FOXP1: variants seen among roughly 807,000 people sequenced by gnomAD.
FOXP1 encodes forkhead box protein P1.
In FOXP1, 15 loss-of-function variants were observed where a neutral mutation model predicts 98.2. The observed-to-expected ratio is 0.15, with a 90% CI of 0.10 to 0.24. The LOEUF is 0.24. FOXP1 is among the 10% of genes least tolerant of loss of function. The pLI is 1.00. For missense variants in FOXP1, 633 were observed against 848.5 expected (o/e 0.75, Z 3.15); for synonymous variants, 371 against 314.5 (o/e 1.18, Z -1.90).
intron 5 of FOXP1, among the ~76,000 whole-genome samples, chr3:71,268,183 C>T (rs551355022): frequency 5.3e-5 from 8 of 149,902 alleles, no homozygotes; most frequent in Admixed American, 1.3e-4. Flanking sequence ...CTCCGCCTCC[C>T]GGGTTCACGC....
chr3:71,144,740 C>T (rs1221539208), intron 6 of FOXP1, among the ~76,000 whole-genome samples: 1 of 152,068 alleles, frequency 6.6e-6, no homozygotes, highest in Non-Finnish European at 1.5e-5. Context: ...GTATGAGTCT[C>T]CTCACATGCA....
intron 5 of FOXP1, among the ~76,000 whole-genome samples, chr3:71,210,292 C>T (rs184786180): frequency 9.8e-5 from 15 of 152,316 alleles, no homozygotes; most frequent in African/African-American, 3.6e-4. Flanking sequence ...CCTAAAGTCA[C>T]AAAGTAACTA....
At chr3:71,005,326 A>AAAC (rs1559696427) in intron 12 of FOXP1, among the ~76,000 whole-genome samples, 3 of 148,742 alleles carry the variant, frequency 2.0e-5, no homozygotes, top group Admixed American at 6.7e-5. Flanking sequence ...AAAAAAAAAA[A>AAAC]AAAAAAAAAA....
At chr3:71,580,671 C>T (rs1039546540) in intron 2 of FOXP1, 5 of 391,182 alleles carry the variant, frequency 1.3e-5, no homozygotes, top group African/African-American at 8.9e-5. Flanking sequence ...CTGTGGAAAA[C>T]GGGGGTGGGG....
At chr3:71,017,914 C>A (rs182879368) in intron 11 of FOXP1, among the ~76,000 whole-genome samples, 1 of 152,010 alleles carries the variant, frequency 6.6e-6, no homozygotes, top group Admixed American at 6.6e-5. Flanking sequence ...TGCTACATGC[C>A]GAGCACACTC....
chr3:71,221,706 C>T (rs1352476667), intron 5 of FOXP1, among the ~76,000 whole-genome samples: 1 of 152,134 alleles, frequency 6.6e-6, no homozygotes, highest in Non-Finnish European at 1.5e-5. Context: ...CTCTTCTATC[C>T]CTCTAGTTCC....
chr3:71,183,310 A>G (rs906928667), intron 6 of FOXP1, among the ~76,000 whole-genome samples: 2 of 152,120 alleles, frequency 1.3e-5, no homozygotes, highest in African/African-American at 4.8e-5. Context: ...CCTGGCCAAC[A>G]TGGTGAAAAC....
chr3:70,975,439 T>G (rs2037295593), intron 17 of FOXP1, among the ~76,000 whole-genome samples: 1 of 152,194 alleles, frequency 6.6e-6, no homozygotes, highest in Non-Finnish European at 1.5e-5. Flanking sequence ...CTCTGTAAAG[T>G]TGATGAATTA....
intron 3 of FOXP1, among the ~76,000 whole-genome samples, chr3:71,417,936 G>A (rs894503466): frequency 1.3e-5 from 2 of 151,834 alleles, no homozygotes; most frequent in Non-Finnish European, 2.9e-5. Flanking sequence ...AAGACAGACT[G>A]TGGATAGGAA....
chr3:71,065,072 GCCCGCGC>G (rs964073675), intron 7 of FOXP1: 134 of 147,084 alleles, frequency 9.1e-4, no homozygotes, highest in Non-Finnish European at 1.3e-3. Flanking sequence ...GGGCTCCGCG[GCCCGCGC>G]CCCGCGCCCG....
chr3:71,041,678 G>A (rs566681886), intron 10 of FOXP1, 146 bp from the exon 11 acceptor site: 44 of 735,224 alleles, frequency 6.0e-5, no homozygotes, highest in South Asian at 4.8e-4. Context: ...TCCCAACTAC[G>A]GCAGATGCGG....
At chr3:71,013,359 G>C (rs1019799968) in intron 12 of FOXP1, among the ~76,000 whole-genome samples, 1 of 152,148 alleles carries the variant, frequency 6.6e-6, no homozygotes, top group South Asian at 2.1e-4. Context: ...CAATTGGCCA[G>C]TAATTGTCAC....
intron 2 of FOXP1, among the ~76,000 whole-genome samples, chr3:71,500,355 G>A (rs1174562520): frequency 2.0e-5 from 3 of 152,094 alleles, no homozygotes; most frequent in Non-Finnish European, 4.4e-5. Flanking sequence ...TGTGAAACTC[G>A]CAGGCTAGTG....
At chr3:71,562,949 T>G (rs1578191633) in intron 2 of FOXP1, among the ~76,000 whole-genome samples, 1 of 152,202 alleles carries the variant, frequency 6.6e-6, no homozygotes, top group South Asian at 2.1e-4. Context: ...TTCTCATCCC[T>G]TCCTTTAAGA....
intron 5 of FOXP1, among the ~76,000 whole-genome samples, chr3:71,254,942 G>A (rs2068507561): frequency 6.6e-6 from 1 of 152,208 alleles, no homozygotes; most frequent in African/African-American, 2.4e-5. Context: ...GAAGGTCACA[G>A]CAACTTGAAC....
chr3:71,246,849 C>T (rs2106985781), intron 5 of FOXP1, among the ~76,000 whole-genome samples: 1 of 152,292 alleles, frequency 6.6e-6, no homozygotes, highest in South Asian at 2.1e-4. Flanking sequence ...ATTAGCCTGT[C>T]TCAGAGAAAA....
chr3:71,122,415 A>C (rs895508304), intron 6 of FOXP1, among the ~76,000 whole-genome samples: 74 of 152,208 alleles, frequency 4.9e-4, no homozygotes, highest in African/African-American at 1.6e-3. Context: ...ACTACTGGCC[A>C]AATATTAGGA....
intron 2 of FOXP1, among the ~76,000 whole-genome samples, chr3:71,520,496 A>G (rs1351988998): frequency 6.6e-6 from 1 of 152,184 alleles, no homozygotes; most frequent in Non-Finnish European, 1.5e-5. Flanking sequence ...CCCGTCTGTC[A>G]CTAAGGTTAG....
chr3:71,011,626 C>T (rs111654653), intron 12 of FOXP1, among the ~76,000 whole-genome samples: 88 of 152,080 alleles, frequency 5.8e-4, no homozygotes, highest in East Asian at 1.9e-4. Context: ...TTATTTTTTT[C>T]GCTTCAGCCA....
Sources: gnomAD v4.1 joint callset for allele counts (sites outside exome capture counted in the v4.1 genomes callset) on GRCh38, gnomAD v4.1.1 for gene constraint, MANE v1.5 for transcripts, NCBI Gene and HGNC (gene_info 2026-07-23, HGNC 2026-07-21) for gene names.